GTF2IRD1: variants seen among roughly 807,000 people sequenced by gnomAD.
The protein encoded by GTF2IRD1 is general transcription factor II-I repeat domain-containing protein 1.
Under a neutral mutation model 113.2 loss-of-function variants are expected in GTF2IRD1, and 26 were observed. The ratio of observed to expected loss-of-function variants is 0.23; its 90% CI spans 0.17 to 0.32. The LOEUF (loss-of-function observed/expected upper bound fraction) is 0.32. Ranked by LOEUF, GTF2IRD1 falls within the 10% of genes least tolerant of loss-of-function variation. The probability of loss-of-function intolerance (pLI) is 1.00; values close to 1 mark genes in which losing one functional copy is unlikely to be tolerated. For synonymous variants in GTF2IRD1, 484 were observed against 529.1 expected (o/e 0.91, Z 1.17); for missense variants, 864 against 1,280.8 (o/e 0.67, Z 4.97).
At chr7:74,518,064 C>A in intron 4 of GTF2IRD1, 75 bp from the exon 5 acceptor site, 1 of 1,096,314 alleles carries the variant, frequency 9.1e-7, no homozygotes, top group Non-Finnish European at 1.3e-6. Context: ...TGCCCCCACT[C>A]TGGGGCACAG....
intron 26 of GTF2IRD1, chr7:74,601,480 A>G (rs1476907329): frequency 3.5e-6 from 5 of 1,437,434 alleles, no homozygotes; most frequent in Non-Finnish European, 4.5e-6. Context: ...GGAGACATGA[A>G]AAGACATGGC....
chr7:74,512,796 G>T lies in GTF2IRD1; in HGVS notation c.124-34G>T, dbSNP rs1584563676. The T allele has an allele frequency of 1.9e-6, 3 of 1,607,542 alleles. No homozygotes were observed. In the Middle Eastern group the frequency reaches 5.0e-4, roughly 266 times the overall value. The stretch of plus-strand genomic sequence containing the variant: ...ACTAGAGGTGTTCGGAGTATGGGGA[G>T]CCCTTCCGCTCACACAGCCTGCCCT... On this transcript the variant is annotated intron_variant, in intron 2 of 26. Coordinates refer to ENST00000424337, the MANE Select transcript of GTF2IRD1 (RefSeq NM_005685.4). This position sits in a 1 kb window ranked among gnomAD's most constrained non-coding sequence, Gnocchi z 4.4.
intron 22 of GTF2IRD1, among the ~76,000 whole-genome samples, chr7:74,573,195 A>C (rs1425888290): frequency 3.9e-5 from 6 of 151,944 alleles, no homozygotes; most frequent in Non-Finnish European, 7.4e-5. Context: ...TTGCTTGAGC[A>C]ATCCTGGAGT....
chr7:74,519,518 G>A lies in GTF2IRD1; in HGVS notation c.715G>A (p.Val239Met). ...TGGCCTGCATGGCCAGGCCCCCAAG[G>A]TGCCACCCCAGGACCTGCCCCCAAC... ...DCGLHGQAPKVPPQDLPPTAT... is the reference protein window; with the variant it reads ...DCGLHGQAPKMPPQDLPPTAT... Residue 239 changes from valine to methionine, a missense_variant, in exon 6 of 27, where the codon GTG becomes ATG. Transcript: ENST00000424337. The A allele has an allele frequency of 3.7e-6, 6 of 1,611,380 alleles. No individual in the cohort carries two copies. Among genetic ancestry groups the A allele is most frequent in the Non-Finnish European group, 5.1e-6 (6 of 1,178,934 alleles).
chr7:74,466,952 CTTTT>C (rs782708976), intron 1 of GTF2IRD1, among the ~76,000 whole-genome samples: 1 of 140,286 alleles, frequency 7.1e-6, no homozygotes, highest in African/African-American at 2.6e-5. Flanking sequence ...CTTTTTCTTT[CTTTT>C]TTTTTTTTTT....
At chr7:74,494,749 A>T (rs1795560689) in intron 1 of GTF2IRD1, among the ~76,000 whole-genome samples, 2 of 151,086 alleles carry the variant, frequency 1.3e-5, no homozygotes, top group South Asian at 4.2e-4. Flanking sequence ...AAACCAAAAA[A>T]CTTATTTATT....
At position 74,547,173 on chromosome 7, in the gene GTF2IRD1, G is replaced by T; in HGVS notation, c.1803G>T (p.Leu601=). The change falls in exon 17 of 27, where the codon CTG becomes CTT. Residue 601 remains leucine (L), a synonymous_variant. Coordinates refer to ENST00000424337, the MANE Select transcript of GTF2IRD1 (RefSeq NM_005685.4). Reference sequence around the variant, plus strand: ...AGTTTCTGATGCACCCGGAGGAGCTGTTTGTGGTGGGACTGCCTGAAGGCA... The same window carrying T: ...AGTTTCTGATGCACCCGGAGGAGCTTTTTGTGGTGGGACTGCCTGAAGGCA... ...YSKFLMHPEE[L]FVVGLPEGIS... is the part of the protein sequence containing the mutation. 6.2e-7 allele frequency: 1 copy of T among 1,613,804 alleles called. No individual in the cohort carries two copies. The highest frequency in any genetic ancestry group is 8.5e-7 in the Non-Finnish European group (1 of 1,179,846).
At chr7:74,519,299 A>T in intron 5 of GTF2IRD1, 110 bp from the exon 6 acceptor site, 1 of 680,724 alleles carries the variant, frequency 1.5e-6, no homozygotes, top group East Asian at 2.9e-5. Context: ...TGCCCTCCTC[A>T]TGGGGCTGTT....
chr7:74,601,407 C>T, intron 26 of GTF2IRD1: 3 of 1,485,458 alleles, frequency 2.0e-6, no homozygotes, highest in Non-Finnish European at 2.7e-6. Flanking sequence ...GAATTCACAT[C>T]CTCGCTGGGC....
intron 7 of GTF2IRD1, 141 bp from the exon 8 acceptor site, chr7:74,523,930 G>A (rs959020890): frequency 1.5e-5 from 10 of 658,146 alleles, no homozygotes; most frequent in Middle Eastern, 3.4e-4. Flanking sequence ...TGTATGGTCC[G>A]AGGTGGGAGA....
chr7:74,551,661 G>C (rs1799313782), intron 17 of GTF2IRD1, among the ~76,000 whole-genome samples: 1 of 152,196 alleles, frequency 6.6e-6, no homozygotes, highest in African/African-American at 2.4e-5. Flanking sequence ...GAGCAGGCCA[G>C]GCGTGGTGGC....
chr7:74,518,334 A>G lies in GTF2IRD1; in HGVS notation c.605+12A>G. 4.5e-6 allele frequency: 7 copies of G among 1,571,762 alleles called. No homozygotes were observed. The highest frequency in any genetic ancestry group is 5.2e-6 in the Non-Finnish European group (6 of 1,151,032). On this transcript the variant is annotated intron_variant, in intron 5 of 26. Transcript: ENST00000424337. Reference sequence around the variant, plus strand: ...TTCAAGCTCAAGAGGTGAGTGAGGTAGCCGGCCCGGGGCTGGGCTGGGGCT... The same window carrying G: ...TTCAAGCTCAAGAGGTGAGTGAGGTGGCCGGCCCGGGGCTGGGCTGGGGCT...
Position 74,517,431 on chromosome 7 carries a change from T to C in GTF2IRD1, c.422-708T>C, listed in dbSNP as rs1432279598. Among the ~76,000 whole-genome samples the C allele has an allele frequency of 1.2e-3, 115 of 98,084 alleles. 2 individuals are homozygous for C. Among genetic ancestry groups the C allele is most frequent in the African/African-American group, 2.4e-3 (63 of 26,174 alleles). The allele number at this position is 98,084 out of a possible 152,430, so 64.3% of individuals were successfully genotyped here. ...TCTCTCCCTTCCTCCCTACACCTTTTTTTTTTTTTTTTTTTTTTTGAGATG... is the reference window on the plus strand; with the variant it reads ...TCTCTCCCTTCCTCCCTACACCTTTCTTTTTTTTTTTTTTTTTTTGAGATG... On this transcript the variant is annotated intron_variant, in intron 4 of 26. Coordinates refer to ENST00000424337, the MANE Select transcript of GTF2IRD1 (RefSeq NM_005685.4).
intron 1 of GTF2IRD1, among the ~76,000 whole-genome samples, chr7:74,472,743 ACT>A (rs1794184861): frequency 6.6e-6 from 1 of 152,096 alleles, no homozygotes; most frequent in African/African-American, 2.4e-5. Context: ...CAAGAGCGAA[ACT>A]CTGCCTCAGT....
At chr7:74,491,781 G>A (rs1320333945) in intron 1 of GTF2IRD1, among the ~76,000 whole-genome samples, 4 of 152,098 alleles carry the variant, frequency 2.6e-5, no homozygotes, top group African/African-American at 9.7e-5. Flanking sequence ...TAGTGCTGCA[G>A]TAAACATACG....
intron 14 of GTF2IRD1, among the ~76,000 whole-genome samples, chr7:74,542,160 G>C (rs1279045748): frequency 1.3e-5 from 2 of 151,724 alleles, no homozygotes; most frequent in Admixed American, 6.6e-5. Context: ...TTGGGAGGCC[G>C]AGGCAGGCAG....
chr7:74,503,640 G>A (rs921037787), intron 1 of GTF2IRD1, among the ~76,000 whole-genome samples: 1 of 152,058 alleles, frequency 6.6e-6, no homozygotes. Context: ...TCCCAGCTAC[G>A]GGGGAGGCTG....
intron 11 of GTF2IRD1, among the ~76,000 whole-genome samples, chr7:74,536,639 T>A (rs1798315194): frequency 6.6e-6 from 1 of 151,524 alleles, no homozygotes; most frequent in Non-Finnish European, 1.5e-5. Context: ...GAAACTCCCA[T>A]CTCTACTAAA....
intron 24 of GTF2IRD1, 71 bp from the exon 25 acceptor site, chr7:74,594,943 C>T: frequency 9.2e-7 from 1 of 1,087,400 alleles, no homozygotes; most frequent in Non-Finnish European, 1.4e-6. Context: ...CCGAGTGAGA[C>T]TCCATCTCAA....
Sources: allele counts gnomAD v4.1 joint callset (sites outside exome capture counted in the v4.1 genomes callset), GRCh38; gene constraint gnomAD v4.1.1; non-coding constraint Gnocchi (gnomAD v3.1); transcripts MANE v1.5; gene names NCBI Gene and HGNC (gene_info 2026-07-23, HGNC 2026-07-21).